The following RYR1 variants were observed in gnomAD, a reference collection of about 807,000 sequenced individuals.
RYR1 encodes the protein central core disease of muscle.
RYR1 carries 342 observed loss-of-function variants against 583.5 expected under a neutral mutation model. The observed-to-expected ratio is 0.59, with a 90% CI of 0.54 to 0.64. The LOEUF (loss-of-function observed/expected upper bound fraction) is 0.64, where lower values mean the gene tolerates loss of function less well. Among genes scored for constraint, RYR1 ranks in the 30% least tolerant of loss-of-function variants. RYR1 has a pLI of 0.00. For missense variants in RYR1, 6,032 were observed against 6,917.2 expected (o/e 0.87, Z 4.54); for synonymous variants, 2,791 against 2,822.5 (o/e 0.99, Z 0.35).
intron 63 of RYR1, among the ~76,000 whole-genome samples, chr19:38,514,501 G>A (rs183704977): frequency 0.021 from 3,215 of 151,726 alleles, 67 homozygotes; most frequent in South Asian, 0.061. Flanking sequence ...GGCTGGTCTC[G>A]AACTCCTGAC....
chr19:38,558,523 A>T (rs941439730), intron 89 of RYR1, among the ~76,000 whole-genome samples: 7 of 152,250 alleles, frequency 4.6e-5, no homozygotes, highest in Admixed American at 3.3e-4. Flanking sequence ...TCATGCCTGT[A>T]ATCCTAACAC....
intron 12 of RYR1, among the ~76,000 whole-genome samples, chr19:38,452,494 A>G (rs994486787): frequency 2.0e-5 from 3 of 151,854 alleles, no homozygotes; most frequent in African/African-American, 7.3e-5. Flanking sequence ...TGTACACTTG[A>G]CCCCTAATCT....
At chr19:38,538,301 G>A (rs1972062551) in intron 84 of RYR1, among the ~76,000 whole-genome samples, 1 of 152,172 alleles carries the variant, frequency 6.6e-6, no homozygotes, top group Admixed American at 6.5e-5. Context: ...TCAGGAGGCT[G>A]AGGCAGGAGA....
intron 24 of RYR1, among the ~76,000 whole-genome samples, chr19:38,466,937 C>G (rs922402680): frequency 6.6e-6 from 1 of 152,134 alleles, no homozygotes; most frequent in Non-Finnish European, 1.5e-5. Flanking sequence ...TGACGCCAGC[C>G]CTGCCTGGGC....
intron 75 of RYR1, 95 bp downstream of exon 75, chr19:38,528,790 A>G: frequency 6.9e-7 from 1 of 1,446,086 alleles, no homozygotes; most frequent in Non-Finnish European, 9.7e-7. Context: ...GGCCCTCCAC[A>G]TCAAGGGGTA....
At chr19:38,576,011 C>T in intron 97 of RYR1, 50 bp downstream of exon 97, 1 of 1,601,982 alleles carries the variant, frequency 6.2e-7, no homozygotes, top group Non-Finnish European at 8.6e-7. Context: ...CTGCCTGCCA[C>T]CAGGCCATCA....
chr19:38,507,237 G>T (rs1288763128), intron 57 of RYR1, among the ~76,000 whole-genome samples: 3 of 150,338 alleles, frequency 2.0e-5, no homozygotes, highest in Non-Finnish European at 4.4e-5. Context: ...GAGTGGAGGA[G>T]ACTGAGAGGG....
chr19:38,567,123 G>A (rs568501002), intron 92 of RYR1, 136 bp downstream of exon 92: 54 of 1,381,330 alleles, frequency 3.9e-5, no homozygotes, highest in East Asian at 1.5e-4. Flanking sequence ...ACTCAGGCAC[G>A]GAGGAGGGGC....
At chr19:38,554,535 C>A (rs527804131) in intron 89 of RYR1, among the ~76,000 whole-genome samples, 135 of 151,730 alleles carry the variant, frequency 8.9e-4, no homozygotes, top group Middle Eastern at 3.4e-3. Flanking sequence ...TTACAAATCA[C>A]ATCTTCATTG....
At chr19:38,443,653 C>T (rs373936316) in intron 4 of RYR1, 21 bp downstream of exon 4, 31 of 1,613,982 alleles carry the variant, frequency 1.9e-5, no homozygotes, top group South Asian at 3.3e-5. Flanking sequence ...CCTCGGTGGG[C>T]GTGGGCAGGG....
intron 87 of RYR1, among the ~76,000 whole-genome samples, chr19:38,544,778 G>T (rs1320435613): frequency 2.0e-5 from 3 of 152,138 alleles, no homozygotes; most frequent in Non-Finnish European, 4.4e-5. Context: ...GAGAGTGTTG[G>T]TATCATCATG....
rs181405278 is a variant in RYR1 at position 38,457,136 on chromosome 19, A to G, written c.1792-361A>G. Among the ~76,000 whole-genome samples the G allele has an allele frequency of 9.2e-5, 14 of 151,824 alleles. No homozygotes were observed. The East Asian group carries it at 2.7e-3, about 29-fold the overall frequency. On this transcript the variant is annotated intron_variant, in intron 16 of 105. Coordinates refer to ENST00000359596, the MANE Select transcript of RYR1 (RefSeq NM_000540.3). ...TACATTTTCCACTTGGCCCCTAAAG[A>G]CACAAGTTTGCAACCCCTGCTGATT... is the stretch of plus-strand genomic sequence containing the variant.
At position 38,448,655 on chromosome 19, in the gene RYR1, C is replaced by T. The variant is rs762790396; in HGVS notation, c.964C>T (p.Leu322=). 1 of 1,614,228 alleles carries T rather than the reference C, an allele frequency of 6.2e-7. No individual in the cohort carries two copies. The highest frequency in any genetic ancestry group is 1.1e-5 in the South Asian group (1 of 91,090). Residue 322 remains leucine (L), a synonymous_variant, in exon 11 of 106, where the codon CTG becomes TTG. Coordinates refer to ENST00000359596, the MANE Select transcript of RYR1 (RefSeq NM_000540.3). ...GTGTCCCCTGCCCCTGTAGGAGAAGCTGGATGTGGCCCCCAAGCGGGATGT... is the reference window on the plus strand; with the variant it reads ...GTGTCCCCTGCCCCTGTAGGAGAAGTTGGATGTGGCCCCCAAGCGGGATGT... ...SFCFRISKEK[L]DVAPKRDVEG...
chr19:38,543,781 C>T lies in RYR1; in HGVS notation c.11918C>T (p.Thr3973Ile). The T allele has an allele frequency of 6.2e-7, 1 of 1,613,410 alleles. No homozygotes were observed. The highest frequency in any genetic ancestry group is 1.1e-5 in the South Asian group (1 of 91,078). ...CACTCTGCCTCCCAGGGTCCCTGCA[C>T]CGGGAACCAGCAGAGCCTGGCGCAC... The part of the protein sequence containing the change: ...SLTEYIQGPC[T>I]GNQQSLAHSR... Residue 3973 changes from threonine to isoleucine, a missense_variant, in exon 87 of 106, where the codon ACC (threonine) becomes ATC (isoleucine). Physicochemically the swap from Thr to Ile is moderately conservative, Grantham distance 89. This residue lies in a region of RYR1 where 82 missense variants were observed against 139.7 expected (regional missense o/e 0.59). Transcript: ENST00000359596. The surrounding 1 kb of genome is among the most constrained non-coding windows in gnomAD (Gnocchi z 4.4).
intron 13 of RYR1, among the ~76,000 whole-genome samples, chr19:38,454,069 C>T (rs2145387581): frequency 6.6e-6 from 1 of 152,290 alleles, no homozygotes; most frequent in Non-Finnish European, 1.5e-5. Context: ...CAGAGTCTCT[C>T]TCTGTCACCC....
chr19:38,543,894 T>C lies in RYR1; in HGVS notation c.12012+19T>C, dbSNP rs181590606. ...CGCTCAGGTTCGAGCCCCTCTGGTC[T>C]CCATCCACCTGCTTCCGGGCGTCCC... On this transcript the variant is annotated intron_variant, in intron 87 of 105. Coordinates refer to ENST00000359596, the MANE Select transcript of RYR1 (RefSeq NM_000540.3). This position sits in a 1 kb window ranked among gnomAD's most constrained non-coding sequence, Gnocchi z 4.4. 0.018 allele frequency: 28,224 copies of C among 1,608,598 alleles called. 278 individuals carry two copies. The highest frequency in any genetic ancestry group is 0.021 in the Non-Finnish European group (24,704 of 1,177,448).
chr19:38,551,248 T>C (rs1972656182), intron 89 of RYR1, among the ~76,000 whole-genome samples: 1 of 151,596 alleles, frequency 6.6e-6, no homozygotes, highest in African/African-American at 2.4e-5. Context: ...GGTTTCACCA[T>C]GTTGGTCAGG....
rs534478382 is a variant in RYR1, at chr19:38,477,245, C to T, written c.4294-465C>T. Reference sequence around the variant, plus strand: ...GCAACCTCTGCCTCCCAGGTTCAAGCGATTCTCCTGCCTCAGCCTCCCGAG... The same window carrying T: ...GCAACCTCTGCCTCCCAGGTTCAAGTGATTCTCCTGCCTCAGCCTCCCGAG... On this transcript the variant is annotated intron_variant, in intron 29 of 105. Transcript: ENST00000359596. Among the ~76,000 whole-genome samples, 498 of 152,076 alleles carry T rather than the reference C, an allele frequency of 3.3e-3. 17 individuals are homozygous for T. Among genetic ancestry groups the T allele is most frequent in the Admixed American group, 0.029 (443 of 15,268 alleles).
At position 38,466,356 on chromosome 19, in the gene RYR1, C is replaced by G. The variant is rs755207627; in HGVS notation, c.3136C>G (p.Leu1046Val). 4 of 1,580,760 alleles carry G rather than the reference C, an allele frequency of 2.5e-6. No individual in the cohort carries two copies. The African/African-American group carries it at 5.4e-5, about 21-fold the overall frequency. ...DSLCQAVRTL[L>V]GYGYNIEPPD... is the part of the protein sequence containing the mutation. ...CCTCTGCCAGGCCGTGCGCACCCTC[C>G]TGGGCTACGGCTACAACATCGAGCC... The change falls in exon 24 of 106, where the codon CTG (leucine) becomes GTG (valine). Residue 1046 changes from leucine (L) to valine (V), a missense_variant. By Grantham distance (32) the Leu-to-Val change is conservative (BLOSUM62 1). This residue lies in a region of RYR1 where 2,627 missense variants were observed against 2,961.3 expected (regional missense o/e 0.89). Transcript: ENST00000359596.
Sources: allele counts gnomAD v4.1 joint callset (sites outside exome capture counted in the v4.1 genomes callset), GRCh38; gene constraint gnomAD v4.1.1; regional missense constraint gnomAD v4.1.1; non-coding constraint Gnocchi (gnomAD v3.1); transcripts MANE v1.5; gene names NCBI Gene and HGNC (gene_info 2026-07-23, HGNC 2026-07-21).